Variants in PRAME observed in about 807,000 individuals in gnomAD.
PRAME encodes PRAME nuclear receptor transcriptional regulator, also known as melanoma antigen preferentially expressed in tumors.
Under a neutral mutation model 32.1 loss-of-function variants are expected in PRAME, and 21 were observed. The observed-to-expected ratio is 0.65, with a 90% CI of 0.46 to 0.94. PRAME has a LOEUF of 0.94. Among genes scored for constraint, PRAME ranks in the 40% least tolerant of loss-of-function variants. PRAME has a pLI of 0.00. For synonymous variants in PRAME, 274 were observed against 251.5 expected (o/e 1.09, Z -0.85); for missense variants, 651 against 622.3 (o/e 1.05, Z -0.49).
In PRAME at chr22:22,558,954, G is replaced by C. The variant is rs2063168722; in HGVS notation, c.-114+17C>G. On this transcript the variant is annotated intron_variant, in intron 1 of 5. Coordinates refer to ENST00000405655, the MANE Select transcript of PRAME (RefSeq NM_206956.3). ...CCCGGGCTGAAGAGACCACCCCCCG[G>C]GATTCAATTAACTTACTCTCTGGAG... 6.5e-6 allele frequency: 1 copy of C among 153,822 alleles called. No individual in the cohort carries two copies. The highest frequency in any genetic ancestry group is 2.0e-4 in the South Asian group (1 of 4,958). The allele number at this position is 153,822 out of a possible 1,614,324, so 9.5% of individuals were successfully genotyped here.
In PRAME at chr22:22,550,090, CAAT is replaced by C. The variant is rs1483685997; in HGVS notation, c.586_588del (p.Ile196del). 6.2e-7 allele frequency: 1 copy of C among 1,613,916 alleles called. No individual in the cohort carries two copies. The highest frequency in any genetic ancestry group is 1.7e-5 in the Admixed American group (1 of 59,980). The stretch of plus-strand genomic sequence containing the variant: ...ACATTTTTCTTTCGCTTCACTTTCT[CAAT>C]GAGGTAGGAGAACAATTCATCACAG... On this transcript the variant is annotated inframe_deletion, in exon 5 of 6. Transcript: ENST00000405655.
chr22:22,547,899 T>C lies in PRAME; in HGVS notation c.*168A>G, dbSNP rs569996072. The C allele has an allele frequency of 1.1e-4, 85 of 768,692 alleles. No homozygotes were observed. In the African/African-American group the frequency reaches 1.2e-3, roughly 10 times the overall value. 47.6% of individuals were successfully genotyped at this position (768,692 alleles called of 1,614,324 possible). Reference sequence around the variant, plus strand: ...TGCCTACCCCCAACTTCCCCTTTTTTTCCTCACTGAACATTTGTCTGAATG... The same window carrying C: ...TGCCTACCCCCAACTTCCCCTTTTTCTCCTCACTGAACATTTGTCTGAATG... On this transcript the variant is annotated 3_prime_UTR_variant, in exon 6 of 6. Transcript: ENST00000405655.
chr22:22,556,329 G>C (rs2062914101), intron 3 of PRAME, among the ~76,000 whole-genome samples: 1 of 150,586 alleles, frequency 6.6e-6, no homozygotes, highest in African/African-American at 2.4e-5. Flanking sequence ...TTTTATTTTT[G>C]GAGACGGAGT....
Position 22,550,988 on chromosome 22 carries a change from G to A in PRAME, c.123C>T (p.Ala41=). 6.2e-7 allele frequency: 1 copy of A among 1,613,376 alleles called. No homozygotes were observed. Among genetic ancestry groups the A allele is most frequent in the Non-Finnish European group, 8.5e-7 (1 of 1,179,820 alleles). The change falls in exon 4 of 6, where the codon GCC becomes GCT. Residue 41 remains alanine, a synonymous_variant. Transcript: ENST00000405655. The part of the protein sequence containing the change: ...GQSLLKDEAL[A]IAALELLPRE... ...TGGGCAGCAACTCCAGGGCGGCAATGGCCAGGGCCTCATCCTTCAGCAGGC... is the reference window on the plus strand; with the variant it reads ...TGGGCAGCAACTCCAGGGCGGCAATAGCCAGGGCCTCATCCTTCAGCAGGC...
rs781365000 is a variant in PRAME at position 22,548,561 on chromosome 22, G to A, written c.1036C>T (p.Pro346Ser). 1 of 1,613,256 alleles carries A rather than the reference G, an allele frequency of 6.2e-7. No individual in the cohort carries two copies. Among genetic ancestry groups the A allele is most frequent in the Non-Finnish European group, 8.5e-7 (1 of 1,179,910 alleles). Residue 346 changes from proline to serine, a missense_variant, in exon 6 of 6, where the codon CCC becomes TCC. Physicochemically the swap from Pro to Ser is moderately conservative, Grantham distance 74 (BLOSUM62 -1). Coordinates refer to ENST00000405655, the MANE Select transcript of PRAME (RefSeq NM_206956.3). ...EGDVMHLSQS[P>S]SVSQLSVLSL... is the part of the protein sequence containing the mutation. ...AGGACACTTAGCTGACTGACGCTGG[G>A]ACTCTGGGACAGATGCATCACATCC...
chr22:22,549,680 A>G, intron 5 of PRAME, 46 bp downstream of exon 5: 2 of 1,534,730 alleles, frequency 1.3e-6, no homozygotes, highest in Non-Finnish European at 1.7e-6. Flanking sequence ...TACTGCAATA[A>G]GGAAGGGCTT....
chr22:22,553,696 G>T (rs2062735998), intron 3 of PRAME: 2 of 718,574 alleles, frequency 2.8e-6, no homozygotes, highest in South Asian at 6.3e-5. Flanking sequence ...GAGTAATATT[G>T]GTGACCAAAC....
chr22:22,551,321 C>T (rs1439994751), intron 3 of PRAME, among the ~76,000 whole-genome samples: 2 of 151,722 alleles, frequency 1.3e-5, no homozygotes, highest in Non-Finnish European at 2.9e-5. Context: ...ACAGGACGGC[C>T]ACTGGCACCA....
chr22:22,554,325 CG>C, intron 3 of PRAME: 1 of 838,612 alleles, frequency 1.2e-6, no homozygotes, highest in Non-Finnish European at 1.4e-6. Flanking sequence ...CTGTGGCCTG[CG>C]TAAGGAGGCT....
In PRAME at chr22:22,550,124, T is replaced by C. The variant is rs1300591145; in HGVS notation, c.555A>G (p.Glu185=). The C allele has an allele frequency of 1.9e-6, 3 of 1,613,886 alleles. No individual in the cohort carries two copies. Among genetic ancestry groups the C allele is most frequent in the South Asian group, 1.1e-5 (1 of 91,072 alleles). ...AGGAGAACAATTCATCACAGGCACCTTCCTTGAGGAACAGGTCTACGAGCA... is the reference window on the plus strand; with the variant it reads ...AGGAGAACAATTCATCACAGGCACCCTCCTTGAGGAACAGGTCTACGAGCA... The part of the protein sequence containing the change: ...VEVLVDLFLK[E]GACDELFSYL... The change falls in exon 5 of 6, where the codon GAA becomes GAG. Residue 185 remains glutamate, a synonymous_variant. Transcript: ENST00000405655.
At position 22,548,075 on chromosome 22, in the gene PRAME, G is replaced by A; in HGVS notation, c.1522C>T (p.Pro508Ser). 1 of 1,608,956 alleles carries A rather than the reference G, an allele frequency of 6.2e-7. No homozygotes were observed. Among genetic ancestry groups the A allele is most frequent in the Non-Finnish European group, 8.5e-7 (1 of 1,176,742 alleles). Reference sequence around the variant, plus strand: ...TTGATATGTGCACCCAGCTAATTAGGCATGAAACAGGGGCACAGGATGGGC... The same window carrying A: ...TTGATATGTGCACCCAGCTAATTAGACATGAAACAGGGGCACAGGATGGGC... ...PEPILCPCFM[P>S]N The change falls in exon 6 of 6, where the codon CCT (proline) becomes TCT (serine). Residue 508 changes from proline (P) to serine (S), a missense_variant. Coordinates refer to ENST00000405655, the MANE Select transcript of PRAME (RefSeq NM_206956.3).
rs2063182954 is a variant in PRAME at position 22,559,217 on chromosome 22, A to C, written c.-360T>G. On this transcript the variant is annotated 5_prime_UTR_variant, in exon 1 of 6. Transcript: ENST00000405655. ...CTGGGAAGCGGGTGGGGTGTCCCGGAGCGGTGCTGAGGCGCTGCAGGCCCG... is the reference window on the plus strand; with the variant it reads ...CTGGGAAGCGGGTGGGGTGTCCCGGCGCGGTGCTGAGGCGCTGCAGGCCCG... 1 of 295,766 alleles carries C rather than the reference A, an allele frequency of 3.4e-6. No homozygotes were observed. The highest frequency in any genetic ancestry group is 2.4e-5 in the African/African-American group (1 of 42,262). 18.3% of individuals were successfully genotyped at this position (295,766 alleles called of 1,614,324 possible).
chr22:22,556,787 C>G (rs777896289), intron 3 of PRAME, 25 bp downstream of exon 3: 2 of 1,612,568 alleles, frequency 1.2e-6, no homozygotes, highest in South Asian at 1.1e-5. Flanking sequence ...CTGAGCACCT[C>G]AGACAGCTCA....
rs186629123 is a variant in PRAME at position 22,550,744 on chromosome 22, C to T, written c.344+23G>A. The T allele has an allele frequency of 4.3e-4, 661 of 1,550,928 alleles. 3 individuals are homozygous for T. The highest frequency in any genetic ancestry group is 1.3e-4 in the Non-Finnish European group (144 of 1,146,152). ...CTGCTCAGGTTCCCAGGGCCCCACA[C>T]CAAGCTGCTAGGTCACCCTTACCTG... On this transcript the variant is annotated intron_variant, in intron 4 of 5. Transcript: ENST00000405655.
chr22:22,558,886 G>C (rs12158794), intron 1 of PRAME, 85 bp downstream of exon 1: 94,338 of 151,480 alleles, frequency 0.62, 31,123 homozygotes, highest in Non-Finnish European at 0.75. Flanking sequence ...GATGCCCCTG[G>C]CCTTGGCTGG....
chr22:22,554,400 C>G (rs183071919), intron 3 of PRAME, among the ~76,000 whole-genome samples: 5 of 152,086 alleles, frequency 3.3e-5, no homozygotes, highest in Non-Finnish European at 5.9e-5. Context: ...CTACTTTTCA[C>G]CCTCAACACC....
Position 22,556,837 on chromosome 22 carries a change from A to G in PRAME, c.-5T>C. ...CCACAAACGCCTTCGTTCCATTTTG[A>G]AGCGACTTAGGCTGGCCTCAGGACC... is the stretch of plus-strand genomic sequence containing the variant. On this transcript the variant is annotated 5_prime_UTR_variant, in exon 3 of 6. Transcript: ENST00000405655. The G allele has an allele frequency of 6.2e-7, 1 of 1,612,860 alleles. No individual in the cohort carries two copies. The highest frequency in any genetic ancestry group is 8.5e-7 in the Non-Finnish European group (1 of 1,179,882).
chr22:22,555,987 ATT>A (rs944081792), intron 3 of PRAME: 1 of 388,442 alleles, frequency 2.6e-6, no homozygotes, highest in African/African-American at 2.8e-5. Flanking sequence ...TCCACAATGC[ATT>A]AAGATTTTTT....
intron 3 of PRAME, among the ~76,000 whole-genome samples, chr22:22,553,211 C>T (rs923542834): frequency 1.3e-4 from 20 of 151,942 alleles, no homozygotes; most frequent in African/African-American, 4.8e-4. Flanking sequence ...CCAAACAATC[C>T]CCAAGTATCA....
Sources: gnomAD v4.1 joint callset for allele counts (sites outside exome capture counted in the v4.1 genomes callset) on GRCh38, gnomAD v4.1.1 for gene constraint, MANE v1.5 for transcripts, NCBI Gene and HGNC (gene_info 2026-07-23, HGNC 2026-07-21) for gene names.